The following WLS variants were observed in gnomAD, a reference collection of about 807,000 sequenced individuals.
The protein encoded by WLS is protein wntless homolog.
In WLS, 23 loss-of-function variants were observed where a neutral mutation model predicts 62.8. The ratio of observed to expected loss-of-function variants is 0.37; its 90% CI spans 0.26 to 0.52. WLS has a LOEUF of 0.52. WLS is among the 20% of genes least tolerant of loss of function. The pLI is 0.92. For synonymous variants in WLS, 246 were observed against 244.1 expected (o/e 1.01, Z -0.07); for missense variants, 615 against 697.3 (o/e 0.88, Z 1.33).
chr1:68,177,373 T>C (rs772084766), intron 2 of WLS, among the ~76,000 whole-genome samples: 3 of 152,174 alleles, frequency 2.0e-5, no homozygotes, highest in Non-Finnish European at 2.9e-5. Context: ...ATAACCACTG[T>C]CCGGAAGTAA....
intron 1 of WLS, among the ~76,000 whole-genome samples, chr1:68,207,266 C>T (rs1571014662): frequency 6.6e-6 from 1 of 152,302 alleles, no homozygotes. Flanking sequence ...TCTGAATACT[C>T]ACAGCCTAAT....
chr1:68,227,147 A>C (rs966117332), intron 1 of WLS, among the ~76,000 whole-genome samples: 3 of 152,274 alleles, frequency 2.0e-5, no homozygotes, highest in South Asian at 2.1e-4. Flanking sequence ...TAATCCCAGC[A>C]CTTTGGGAGG....
chr1:68,232,026 T>C (rs1650451689), intron 1 of WLS, among the ~76,000 whole-genome samples, 168 bp downstream of exon 1: 1 of 151,960 alleles, frequency 6.6e-6, no homozygotes, highest in Non-Finnish European at 1.5e-5. Flanking sequence ...CTAGACTGGA[T>C]TGTGCCCCAC....
At chr1:68,134,998 T>C (rs1053097445) in intron 11 of WLS, among the ~76,000 whole-genome samples, 2 of 152,206 alleles carry the variant, frequency 1.3e-5, no homozygotes, top group Admixed American at 1.3e-4. Context: ...AGTGTTAAAG[T>C]TGGACACGTT....
intron 11 of WLS, chr1:68,127,092 G>T: frequency 2.5e-6 from 1 of 402,440 alleles, no homozygotes; most frequent in African/African-American, 2.1e-5. Flanking sequence ...CTACTCAGGA[G>T]GCTGAGGCAG....
At chr1:68,132,761 A>G (rs1002982667) in intron 11 of WLS, among the ~76,000 whole-genome samples, 2 of 152,126 alleles carry the variant, frequency 1.3e-5, no homozygotes, top group Admixed American at 1.3e-4. Context: ...TTCTGACAAG[A>G]ATTTTATAAT....
At chr1:68,209,511 G>A (rs1649421922) in intron 1 of WLS, among the ~76,000 whole-genome samples, 1 of 152,222 alleles carries the variant, frequency 6.6e-6, no homozygotes, top group African/African-American at 2.4e-5. Context: ...GGGCACGTTG[G>A]CTCGTGCCTG....
chr1:68,167,505 C>T (rs776667607), intron 2 of WLS, among the ~76,000 whole-genome samples: 26 of 152,202 alleles, frequency 1.7e-4, no homozygotes, highest in Middle Eastern at 3.4e-3. Context: ...ATAATGAAGG[C>T]GAGGAATCCA....
At chr1:68,180,592 T>A (rs1268938989) in intron 2 of WLS, among the ~76,000 whole-genome samples, 1 of 152,168 alleles carries the variant, frequency 6.6e-6, no homozygotes, top group African/African-American at 2.4e-5. Context: ...CAGCTGTAGA[T>A]CATGTGCCTG....
At chr1:68,144,455 G>T in intron 10 of WLS, 114 bp downstream of exon 10, 10 of 999,036 alleles carry the variant, frequency 1.0e-5, no homozygotes, top group East Asian at 8.0e-5. Flanking sequence ...TTGACCAGCT[G>T]TCCAGAATTA....
intron 1 of WLS, among the ~76,000 whole-genome samples, chr1:68,205,299 G>T (rs6661514): frequency 0.11 from 16,150 of 152,120 alleles, 1,140 homozygotes; most frequent in East Asian, 0.38. Flanking sequence ...GAATTTTGAA[G>T]ATCAAAATGA....
At chr1:68,226,959 A>T (rs1430753) in intron 1 of WLS, among the ~76,000 whole-genome samples, 2 of 152,040 alleles carry the variant, frequency 1.3e-5, no homozygotes, top group African/African-American at 4.8e-5. Context: ...CTGAAGTCTC[A>T]ATCTGGGTTT....
At chr1:68,200,837 A>G (rs2100624527) in intron 1 of WLS, among the ~76,000 whole-genome samples, 1 of 152,270 alleles carries the variant, frequency 6.6e-6, no homozygotes, top group East Asian at 1.9e-4. Flanking sequence ...CCTTATGAGA[A>G]CTTATATAAA....
At position 68,126,273 on chromosome 1, in the gene WLS, C is replaced by T. The variant is rs764113746; in HGVS notation, c.1579G>A (p.Gly527Arg). ...GTCAACTTGTAGATCTCAGTGGGTCCGTCCACATGGGTGATAGTGGTGGTG... is the reference window on the plus strand; with the variant it reads ...GTCAACTTGTAGATCTCAGTGGGTCTGTCCACATGGGTGATAGTGGTGGTG... ...QLTTTITHVD[G>R]PTEIYKLTRK... The change falls in exon 12 of 12, where the codon GGA (glycine) becomes AGA (arginine). Residue 527 changes from glycine (G) to arginine (R), a missense_variant. Coordinates refer to ENST00000262348, the MANE Select transcript of WLS (RefSeq NM_024911.7). 18 of 1,613,954 alleles carry T rather than the reference C, an allele frequency of 1.1e-5. No individual in the cohort carries two copies. Among genetic ancestry groups the T allele is most frequent in the South Asian group, 2.2e-5 (2 of 91,062 alleles).
chr1:68,193,409 A>C (rs891389346), intron 2 of WLS, among the ~76,000 whole-genome samples: 7 of 91,710 alleles, frequency 7.6e-5, no homozygotes, highest in Admixed American at 4.6e-4. Flanking sequence ...AAAAAAAAAA[A>C]AAAAAAAAAA....
chr1:68,152,373 G>A (rs1010036864), intron 5 of WLS, among the ~76,000 whole-genome samples: 3 of 152,108 alleles, frequency 2.0e-5, no homozygotes, highest in Admixed American at 6.5e-5. Context: ...AAAGAGAAGA[G>A]GTCCAAAGCA....
At position 68,098,792 on chromosome 1, in the gene WLS, C is replaced by T. The variant is rs148592645; in HGVS notation, c.1511-39G>A. The stretch of plus-strand genomic sequence containing the variant: ...TATATTTTAAAACCATGCAAAATAT[C>T]CTTTTAAAAAAATATGTAACATGGA... On this transcript the variant is annotated intron_variant, in intron 11 of 11. Transcript: ENST00000354777. 1,544 of 1,593,822 alleles carry T rather than the reference C, an allele frequency of 9.7e-4. 9 individuals carry two copies. In the African/African-American group the frequency reaches 0.01, roughly 11 times the overall value.
At chr1:68,203,614 C>A (rs540022759) in intron 1 of WLS, among the ~76,000 whole-genome samples, 2 of 152,150 alleles carry the variant, frequency 1.3e-5, no homozygotes, top group Admixed American at 1.3e-4. Context: ...CAGTTTTTAC[C>A]GGGTCTTGGT....
chr1:68,217,636 C>G (rs1311487926), intron 1 of WLS, among the ~76,000 whole-genome samples: 1 of 152,178 alleles, frequency 6.6e-6, no homozygotes, highest in Non-Finnish European at 1.5e-5. Context: ...AAAACCCATG[C>G]CTTAAAACTC....
Sources: gnomAD v4.1 joint callset for allele counts (sites outside exome capture counted in the v4.1 genomes callset) on GRCh38, gnomAD v4.1.1 for gene constraint, MANE v1.5 for transcripts, NCBI Gene and HGNC (gene_info 2026-07-23, HGNC 2026-07-21) for gene names.